The following ZCCHC14 variants were observed in gnomAD, a reference collection of about 807,000 sequenced individuals.
ZCCHC14 encodes zinc finger CCHC-type containing 14.
Under a neutral mutation model 85.0 loss-of-function variants are expected in ZCCHC14, and 16 were observed. The observed-to-expected ratio is 0.19, with a 90% CI of 0.13 to 0.29. The LOEUF (loss-of-function observed/expected upper bound fraction) is 0.29, where lower values mean the gene tolerates loss of function less well. ZCCHC14 is among the 10% of genes least tolerant of loss of function. The pLI is 1.00. For missense variants in ZCCHC14, 1,303 were observed against 1,443.5 expected, an observed-to-expected ratio of 0.90 and a Z score of 1.58; for synonymous variants, 775 against 630.7, an observed-to-expected ratio of 1.23 and a Z score of -3.43.
chr16:87,453,014 G>A (rs752772241), intron 2 of ZCCHC14, among the ~76,000 whole-genome samples: 1 of 152,218 alleles, frequency 6.6e-6, no homozygotes, highest in African/African-American at 2.4e-5. Context: ...CCAAGCACCC[G>A]TCTCCCTTGA....
intron 6 of ZCCHC14, among the ~76,000 whole-genome samples, chr16:87,419,386 C>G (rs1294908112): frequency 1.3e-5 from 2 of 151,188 alleles, no homozygotes; most frequent in South Asian, 4.2e-4. Flanking sequence ...CTGCAACCAC[C>G]GCCTCCCGGG....
intron 1 of ZCCHC14, chr16:87,467,155 A>C: frequency 8.2e-7 from 1 of 1,219,742 alleles, no homozygotes; most frequent in Non-Finnish European, 1.2e-6. Context: ...CTGTTGATAG[A>C]TGAAAACTGT....
intron 3 of ZCCHC14, among the ~76,000 whole-genome samples, chr16:87,428,687 C>T (rs1201464070): frequency 6.6e-6 from 1 of 152,210 alleles, no homozygotes; most frequent in African/African-American, 2.4e-5. Context: ...CTGAGGTGTC[C>T]TCCAGCCCCT....
chr16:87,465,703 G>A (rs139163372), intron 1 of ZCCHC14, among the ~76,000 whole-genome samples: 123 of 152,314 alleles, frequency 8.1e-4, no homozygotes, highest in African/African-American at 2.8e-3. Flanking sequence ...CATGAGGTCC[G>A]GGGTGGGCCT....
rs1456105380 is a variant in ZCCHC14, at chr16:87,492,402, C to A, written c.-164G>T. On this transcript the variant is annotated 5_prime_UTR_variant, in exon 1 of 13. Coordinates refer to ENST00000671377, the MANE Select transcript of ZCCHC14 (RefSeq NM_015144.3). The surrounding 1 kb of genome is among the most constrained non-coding windows in gnomAD (Gnocchi z 6.7). ...GCCGCGGGCCGGGCGGGCGCCGGGG[C>A]GGGGGCGGGGACCGGGGCCGGGCAA... 2.1e-5 allele frequency among the ~76,000 whole-genome samples: 3 copies of A among 140,398 alleles called. No individual in the cohort carries two copies. The highest frequency in any genetic ancestry group is 7.7e-5 in the African/African-American group (3 of 39,038). The allele number at this position is 140,398 out of a possible 152,430, so 92.1% of individuals were successfully genotyped here.
intron 2 of ZCCHC14, among the ~76,000 whole-genome samples, chr16:87,434,485 C>T (rs925445829): frequency 3.3e-5 from 5 of 152,258 alleles, no homozygotes; most frequent in African/African-American, 1.2e-4. Flanking sequence ...GGCCACCTGG[C>T]CGCGTGCGAC....
chr16:87,411,644 T>C lies in ZCCHC14; in HGVS notation c.3077A>G (p.Gln1026Arg), dbSNP rs774612346. Residue 1026 changes from glutamine to arginine, a missense_variant, in exon 12 of 13, where the codon CAA becomes CGA. This residue lies in a region of ZCCHC14 where 797 missense variants were observed against 730.8 expected (regional missense o/e 1.09). Transcript: ENST00000671377. ...ACCATTGCTACTGCCCACCAGTCCTTGGGTCTGGTACACCCCTGCTGTCCC... is the reference window on the plus strand; with the variant it reads ...ACCATTGCTACTGCCCACCAGTCCTCGGGTCTGGTACACCCCTGCTGTCCC... ...MAGTAGVYQT[Q>R]GLVGSSNGSS... 2 of 1,613,976 alleles carry C rather than the reference T, an allele frequency of 1.2e-6. No homozygotes were observed. The highest frequency in any genetic ancestry group is 8.5e-7 in the Non-Finnish European group (1 of 1,179,968).
At chr16:87,428,573 A>T (rs2150734652) in intron 3 of ZCCHC14, among the ~76,000 whole-genome samples, 1 of 152,314 alleles carries the variant, frequency 6.6e-6, no homozygotes, top group East Asian at 1.9e-4. Flanking sequence ...AGTTGTAATG[A>T]ATTATAACTG....
intron 7 of ZCCHC14, chr16:87,418,044 G>C (rs117588346): frequency 0.021 from 8,890 of 415,432 alleles, 105 homozygotes; most frequent in Middle Eastern, 0.03. Flanking sequence ...TTGTGTGTAC[G>C]TATGTGTATT....
chr16:87,475,176 G>A (rs1356783426), intron 1 of ZCCHC14, among the ~76,000 whole-genome samples: 1 of 152,192 alleles, frequency 6.6e-6, no homozygotes, highest in Non-Finnish European at 1.5e-5. Flanking sequence ...TTACAACGGG[G>A]CTCAGGAACA....
chr16:87,453,379 G>GA (rs1456280643), intron 2 of ZCCHC14, among the ~76,000 whole-genome samples: 3 of 152,254 alleles, frequency 2.0e-5, no homozygotes, highest in Non-Finnish European at 4.4e-5. Flanking sequence ...GCAGAACCTG[G>GA]AGGAAGGCCG....
At position 87,412,440 on chromosome 16, in the gene ZCCHC14, C is replaced by G; in HGVS notation, c.2281G>C (p.Gly761Arg). The G allele has an allele frequency of 1.2e-6, 2 of 1,613,934 alleles. No homozygotes were observed. Among genetic ancestry groups the G allele is most frequent in the South Asian group, 2.2e-5 (2 of 91,072 alleles). ...GCGTGGAGGACTGTGCTGGGCGTCC[C>G]CGTGGCGGCCGTGCTGGTCTCCACG... ...LVVETSTAAT[G>R]TPSTVLHAAR... The change falls in exon 12 of 13, where the codon GGG becomes CGG. Residue 761 changes from glycine (G) to arginine (R), a missense_variant. Gly to Arg is a moderately radical substitution (Grantham distance 125). Transcript: ENST00000671377.
chr16:87,454,221 G>A (rs1158815645), intron 2 of ZCCHC14, among the ~76,000 whole-genome samples: 1 of 152,220 alleles, frequency 6.6e-6, no homozygotes, highest in African/African-American at 2.4e-5. Context: ...TGGAGAAGAG[G>A]AGGAGAATGA....
chr16:87,487,606 C>T lies in ZCCHC14; in HGVS notation c.570+4063G>A, dbSNP rs1470541621. Among the ~76,000 whole-genome samples, 4 of 152,386 alleles carry T rather than the reference C, an allele frequency of 2.6e-5. No homozygotes were observed. In the East Asian group the frequency reaches 5.8e-4, roughly 22 times the overall value. On this transcript the variant is annotated intron_variant, in intron 1 of 12. Coordinates refer to ENST00000671377, the MANE Select transcript of ZCCHC14 (RefSeq NM_015144.3). ...AACAGGAGCCCTCAGGACAGCCCCGCACCGACACGTGCGCCAGCGGTCCAC... is the reference window on the plus strand; with the variant it reads ...AACAGGAGCCCTCAGGACAGCCCCGTACCGACACGTGCGCCAGCGGTCCAC...
chr16:87,479,954 T>TA (rs999292696), intron 1 of ZCCHC14, among the ~76,000 whole-genome samples: 1 of 151,618 alleles, frequency 6.6e-6, no homozygotes, highest in African/African-American at 2.4e-5. Flanking sequence ...TTTTTTTTTT[T>TA]AAATAGAGAT....
chr16:87,441,062 G>A (rs181167490), intron 2 of ZCCHC14, among the ~76,000 whole-genome samples: 243 of 150,840 alleles, frequency 1.6e-3, no homozygotes, highest in Non-Finnish European at 2.2e-3. Flanking sequence ...GGAGTGCAGC[G>A]GCGCCATCTC....
At chr16:87,435,220 A>G (rs2150739797) in intron 2 of ZCCHC14, among the ~76,000 whole-genome samples, 1 of 152,256 alleles carries the variant, frequency 6.6e-6, no homozygotes, top group East Asian at 1.9e-4. Context: ...GGATGGTTCT[A>G]AGCCTGCACT....
intron 2 of ZCCHC14, among the ~76,000 whole-genome samples, chr16:87,442,478 A>G (rs954839556): frequency 2.0e-5 from 3 of 152,220 alleles, no homozygotes; most frequent in Non-Finnish European, 4.4e-5. Context: ...TACTGGCACA[A>G]TGCCCCAACA....
chr16:87,441,455 C>T (rs1251237520), intron 2 of ZCCHC14, among the ~76,000 whole-genome samples: 2 of 151,844 alleles, frequency 1.3e-5, no homozygotes, highest in Non-Finnish European at 2.9e-5. Flanking sequence ...TTTGATTTTC[C>T]TTATCTCCCA....
Sources: allele counts gnomAD v4.1 joint callset (sites outside exome capture counted in the v4.1 genomes callset), GRCh38; gene constraint gnomAD v4.1.1; regional missense constraint gnomAD v4.1.1; non-coding constraint Gnocchi (gnomAD v3.1); transcripts MANE v1.5; gene names NCBI Gene and HGNC (gene_info 2026-07-23, HGNC 2026-07-21).